NDRG3: variants seen among roughly 807,000 people sequenced by gnomAD.
NDRG3 encodes protein NDRG3.
In NDRG3, 23 loss-of-function variants were observed where a neutral mutation model predicts 57.2. The ratio of observed to expected loss-of-function variants is 0.40; its 90% CI spans 0.29 to 0.57. The LOEUF (loss-of-function observed/expected upper bound fraction) is 0.57, where lower values mean the gene tolerates loss of function less well. Among genes scored for constraint, NDRG3 ranks in the 20% least tolerant of loss-of-function variants. The probability of loss-of-function intolerance (pLI) is 0.42; values close to 1 mark genes in which losing one functional copy is unlikely to be tolerated. For missense variants in NDRG3, 384 were observed against 457.3 expected (o/e 0.84, Z 1.46); for synonymous variants, 132 against 162.6 (o/e 0.81, Z 1.43).
At chr20:36,690,953 T>C (rs1303472674) in intron 3 of NDRG3, among the ~76,000 whole-genome samples, 1 of 152,276 alleles carries the variant, frequency 6.6e-6, no homozygotes, top group Non-Finnish European at 1.5e-5. Context: ...AAAAAGGGAC[T>C]ACTGAAAAGT....
chr20:36,658,624 CG>C (rs2148023175), intron 13 of NDRG3, among the ~76,000 whole-genome samples: 1 of 152,278 alleles, frequency 6.6e-6, no homozygotes, highest in South Asian at 2.1e-4. Context: ...AACATACGAT[CG>C]GCATTGAAAT....
chr20:36,680,500 A>T lies in NDRG3; in HGVS notation c.531+316T>A, dbSNP rs1040947799. On this transcript the variant is annotated intron_variant, in intron 8 of 15. Transcript: ENST00000349004. ...ACTCCATCTCAAAAAAAAAAAAAAA[A>T]TACAGTTTCTATGATTCCAATTTAA... Among the ~76,000 whole-genome samples the T allele has an allele frequency of 6.4e-4, 92 of 144,146 alleles. 1 individual carries two copies. The East Asian group carries it at 0.019, about 29-fold the overall frequency. 94.6% of individuals were successfully genotyped at this position (144,146 alleles called of 152,430 possible).
At chr20:36,704,688 A>T (rs1391507856) in intron 3 of NDRG3, among the ~76,000 whole-genome samples, 3 of 152,206 alleles carry the variant, frequency 2.0e-5, no homozygotes, top group African/African-American at 7.2e-5. Flanking sequence ...AGAGGAAAGG[A>T]GCCATTGCCT....
At chr20:36,665,003 C>T in intron 12 of NDRG3, 43 bp downstream of exon 12, 1 of 1,595,178 alleles carries the variant, frequency 6.3e-7, no homozygotes, top group Non-Finnish European at 8.6e-7. Flanking sequence ...CATTTTATTA[C>T]ATTTTGATCT....
At chr20:36,691,919 T>C (rs1401944264) in intron 3 of NDRG3, among the ~76,000 whole-genome samples, 1 of 152,132 alleles carries the variant, frequency 6.6e-6, no homozygotes, top group Non-Finnish European at 1.5e-5. Flanking sequence ...ACAGTAAACC[T>C]GAGAAATGTG....
chr20:36,688,499 A>T (rs1423953998), intron 4 of NDRG3, among the ~76,000 whole-genome samples, 180 bp downstream of exon 4: 1 of 152,192 alleles, frequency 6.6e-6, no homozygotes, highest in Non-Finnish European at 1.5e-5. Flanking sequence ...GTATCCCCAG[A>T]ATACATTCCC....
intron 1 of NDRG3, among the ~76,000 whole-genome samples, chr20:36,732,168 T>C (rs1285821274): frequency 6.6e-6 from 1 of 152,074 alleles, no homozygotes; most frequent in Non-Finnish European, 1.5e-5. Context: ...CATTTCTGAA[T>C]TGAAATGCAA....
At chr20:36,672,275 T>C (rs1439916988) in intron 8 of NDRG3, among the ~76,000 whole-genome samples, 2 of 152,218 alleles carry the variant, frequency 1.3e-5, no homozygotes, top group Non-Finnish European at 2.9e-5. Context: ...TAAATCTGCA[T>C]ACTGTAGTCT....
intron 13 of NDRG3, among the ~76,000 whole-genome samples, chr20:36,658,961 T>TG (rs1168741229): frequency 4.0e-5 from 6 of 151,848 alleles, no homozygotes; most frequent in African/African-American, 1.5e-4. Flanking sequence ...GAAGTTTTTT[T>TG]TTTTTTTTTT....
intron 3 of NDRG3, 54 bp downstream of exon 3, chr20:36,706,918 G>A: frequency 6.7e-7 from 1 of 1,496,236 alleles, no homozygotes; most frequent in South Asian, 1.2e-5. Context: ...CACAGGAAAG[G>A]AAACACTGCA....
intron 15 of NDRG3, among the ~76,000 whole-genome samples, chr20:36,654,333 G>A (rs1017080051): frequency 1.3e-5 from 2 of 152,188 alleles, no homozygotes; most frequent in Non-Finnish European, 2.9e-5. Context: ...CAGCTTGGCT[G>A]GGACTGGGCC....
Position 36,737,848 on chromosome 20 carries a change from G to A in NDRG3, c.-49+8197C>T, listed in dbSNP as rs55806936. 4.8e-3 allele frequency among the ~76,000 whole-genome samples: 727 copies of A among 152,308 alleles called. 5 individuals are homozygous for A. The highest frequency in any genetic ancestry group is 6.8e-3 in the Non-Finnish European group (460 of 68,030). The stretch of plus-strand genomic sequence containing the variant: ...TAATACCAGCACTTTGAGAGGCTGA[G>A]GTGGGCGGAGTTTGAGACCAGCCTG... On this transcript the variant is annotated intron_variant, in intron 1 of 15. Coordinates refer to ENST00000349004, the MANE Select transcript of NDRG3 (RefSeq NM_032013.4).
chr20:36,660,527 T>C lies in NDRG3; in HGVS notation c.811-143A>G, dbSNP rs1465248966. On this transcript the variant is annotated intron_variant, in intron 12 of 15. Transcript: ENST00000349004. Reference sequence around the variant, plus strand: ...CAGCCAAAGAGATTACCAAAATACATAGTGGGAGATATATTTATTTATTTA... The same window carrying C: ...CAGCCAAAGAGATTACCAAAATACACAGTGGGAGATATATTTATTTATTTA... 5 of 330,062 alleles carry C rather than the reference T, an allele frequency of 1.5e-5. No individual in the cohort carries two copies. The South Asian group carries it at 2.4e-4, about 16-fold the overall frequency. 20.4% of individuals were successfully genotyped at this position (330,062 alleles called of 1,614,324 possible). A position where few individuals can be genotyped will look rare whatever the true frequency, so the allele number is the denominator to read the frequency against.
intron 5 of NDRG3, among the ~76,000 whole-genome samples, chr20:36,686,913 G>T (rs1177548799): frequency 6.6e-6 from 1 of 152,028 alleles, no homozygotes; most frequent in East Asian, 1.9e-4. Context: ...ACAGGGTCTT[G>T]CTCAGTCATC....
intron 9 of NDRG3, among the ~76,000 whole-genome samples, chr20:36,667,099 TTTTAATAACCATAAATC>T (rs1253325021): frequency 1.5e-4 from 23 of 152,184 alleles, no homozygotes; most frequent in African/African-American, 4.1e-4. Flanking sequence ...GCTACATTTC[TTTTAATAACCATAAATC>T]TTTAATAACC....
chr20:36,733,162 AAAAAAAAAAATATATATATATATATAT>A (rs1568672683), intron 1 of NDRG3, among the ~76,000 whole-genome samples: 2 of 52,096 alleles, frequency 3.8e-5, no homozygotes, highest in South Asian at 4.4e-4. Context: ...AAAAAAAAAA[AAAAAAAAAAATATATATATATATATAT>A]ATATATATAT....
At chr20:36,743,443 G>A (rs1986014798) in intron 1 of NDRG3, among the ~76,000 whole-genome samples, 1 of 152,016 alleles carries the variant, frequency 6.6e-6, no homozygotes. Context: ...GCAGTGAGCC[G>A]AGATTGCGCC....
chr20:36,683,069 C>T (rs529015740), intron 6 of NDRG3, among the ~76,000 whole-genome samples: 1 of 152,134 alleles, frequency 6.6e-6, no homozygotes, highest in South Asian at 2.1e-4. Context: ...GGTGAAACCC[C>T]GTCTCTACTA....
intron 3 of NDRG3, chr20:36,700,716 T>C: frequency 4.3e-6 from 1 of 231,760 alleles, no homozygotes; most frequent in South Asian, 4.9e-5. Context: ...GAGCATCTGA[T>C]AGGCTCTGGT....
Sources: allele counts gnomAD v4.1 joint callset (sites outside exome capture counted in the v4.1 genomes callset), GRCh38; gene constraint gnomAD v4.1.1; transcripts MANE v1.5; gene names NCBI Gene and HGNC (gene_info 2026-07-23, HGNC 2026-07-21).